TAF4: variants seen among roughly 807,000 people sequenced by gnomAD.
TAF4 encodes the protein TATA-box binding protein associated factor 4.
Under a neutral mutation model 90.3 loss-of-function variants are expected in TAF4, and 9 were observed. The ratio of observed to expected loss-of-function variants is 0.10; its 90% confidence interval spans 0.06 to 0.17. The LOEUF is 0.17. Ranked by LOEUF, TAF4 falls within the 10% of genes least tolerant of loss-of-function variation. The pLI is 1.00. For synonymous variants in TAF4, 818 were observed against 638.9 expected, an observed-to-expected ratio of 1.28 and a Z score of -4.23; for missense variants, 1,351 against 1,370.7, an observed-to-expected ratio of 0.99 and a Z score of 0.23.
At chr20:62,014,295 C>A (rs771633892) in intron 2 of TAF4, among the ~76,000 whole-genome samples, 1 of 152,090 alleles carries the variant, frequency 6.6e-6, no homozygotes, top group Admixed American at 6.5e-5. Flanking sequence ...TGACCCCACT[C>A]GGCCCGCCCT....
intron 1 of TAF4, among the ~76,000 whole-genome samples, chr20:62,044,699 T>A (rs926986709): frequency 1.3e-5 from 2 of 152,210 alleles, no homozygotes; most frequent in African/African-American, 4.8e-5. Context: ...AGCTTTTCTG[T>A]GCAAGAGAAG....
chr20:62,054,624 C>G (rs2056050202), intron 1 of TAF4, among the ~76,000 whole-genome samples: 1 of 152,154 alleles, frequency 6.6e-6, no homozygotes, highest in Non-Finnish European at 1.5e-5. Flanking sequence ...GCTCCTGCAC[C>G]CAGGTGTCCA....
rs771276562 is a variant in TAF4 at position 62,064,502 on chromosome 20, G to A, written c.1309C>T (p.Pro437Ser). The A allele has an allele frequency of 3.2e-5, 48 of 1,516,812 alleles. No individual in the cohort carries two copies. The highest frequency in any genetic ancestry group is 3.4e-4 in the Middle Eastern group (2 of 5,810). The allele number at this position is 1,516,812 out of a possible 1,614,324, so 94.0% of individuals were successfully genotyped here. A position where few individuals can be genotyped will look rare whatever the true frequency, so the allele number is the denominator to read the frequency against. The change falls in exon 1 of 15, where the codon CCG (proline) becomes TCG (serine). Residue 437 changes from proline to serine, a missense_variant. Transcript: ENST00000252996. ...TTGGTCGGGTTCTGAGGCGGCTGCG[G>A]CAAGCGGGGGGCCAGCACGGTGGGC... ...LTPTVLAPRLPQPPQNPTNIQ... is the reference protein window; with the variant it reads ...LTPTVLAPRLSQPPQNPTNIQ...
chr20:62,051,322 G>A (rs956255702), intron 1 of TAF4, among the ~76,000 whole-genome samples: 64 of 152,212 alleles, frequency 4.2e-4, no homozygotes, highest in African/African-American at 1.4e-3. Flanking sequence ...GTGGGACACC[G>A]GGGGTTCTGG....
chr20:61,978,241 G>C (rs35089768), intron 14 of TAF4, among the ~76,000 whole-genome samples: 2 of 252 alleles, frequency 7.9e-3, no homozygotes, highest in Admixed American at 0.045. Context: ...GAGGGCGCGA[G>C]ACCAACCAAG....
intron 1 of TAF4, among the ~76,000 whole-genome samples, chr20:62,018,120 T>C (rs996661254): frequency 1.3e-5 from 2 of 152,106 alleles, no homozygotes; most frequent in African/African-American, 2.4e-5. Flanking sequence ...GCATTGAAAA[T>C]ATCTGTGAAC....
In TAF4 at chr20:62,065,232, G is replaced by A. The variant is rs1158358523; in HGVS notation, c.579C>T (p.Gly193=). ...GPGPGKPAGP[G]AAQTLNGSAA... is the part of the protein sequence containing the mutation. ...CGCTCCCATTCAAAGTTTGCGCGGC[G>A]CCGGGGCCGGCGGGCTTGCCAGGGC... Residue 193 remains glycine (G), a synonymous_variant, in exon 1 of 15, where the codon GGC becomes GGT. Transcript: ENST00000252996. 11 of 1,116,782 alleles carry A rather than the reference G, an allele frequency of 9.8e-6. No individual in the cohort carries two copies. Among genetic ancestry groups the A allele is most frequent in the South Asian group, 5.1e-5 (3 of 59,038 alleles). 69.2% of individuals were successfully genotyped at this position (1,116,782 alleles called of 1,614,324 possible).
chr20:62,012,655 A>G, intron 3 of TAF4, 160 bp downstream of exon 3: 1 of 1,069,480 alleles, frequency 9.4e-7, no homozygotes, highest in South Asian at 2.4e-5. Flanking sequence ...GTTGGTGGTC[A>G]AAGAAAAAGC....
At chr20:62,039,114 A>G (rs997777106) in intron 1 of TAF4, among the ~76,000 whole-genome samples, 3 of 152,224 alleles carry the variant, frequency 2.0e-5, no homozygotes, top group Admixed American at 6.5e-5. Context: ...AAGTTGACGA[A>G]CTGATTCTGA....
chr20:62,000,115 G>A lies in TAF4; in HGVS notation c.2787+9C>T. ...ATAAAGACGCTCTCCTCGGCAAACA[G>A]CCTGTTACCTTGTAAGAAAAGTTCT... On this transcript the variant is annotated intron_variant, in intron 11 of 14. Coordinates refer to ENST00000252996, the MANE Select transcript of TAF4 (RefSeq NM_003185.4). 6.2e-7 allele frequency: 1 copy of A among 1,614,226 alleles called. No individual in the cohort carries two copies. Among genetic ancestry groups the A allele is most frequent in the Non-Finnish European group, 8.5e-7 (1 of 1,180,040 alleles).
intron 1 of TAF4, 142 bp from the exon 2 acceptor site, chr20:62,014,849 A>C: frequency 7.9e-6 from 9 of 1,139,742 alleles, no homozygotes; most frequent in African/African-American, 1.6e-5. Flanking sequence ...CCCCAAACTC[A>C]AAACACACTT....
rs2055693936 is a variant in TAF4, at chr20:62,000,620, A to G, written c.2588T>C (p.Leu863Pro). The stretch of plus-strand genomic sequence containing the variant: ...GGTTTCATCTTTACAGGACCGCGTT[A>G]GCGTGCCCACCAATTCAGAGTTCGT... The part of the protein sequence containing the change: ...LATNSELVGT[L>P]TRSCKDETFL... Residue 863 changes from leucine (L) to proline (P), a missense_variant, in exon 10 of 15, where the codon CTA becomes CCA. Around this residue, in one of 9 missense-constraint regions of TAF4, gnomAD observed 95 missense variants for 151.3 expected, o/e 0.63. Transcript: ENST00000252996. The G allele has an allele frequency of 6.2e-7, 1 of 1,614,170 alleles. No homozygotes were observed. Among genetic ancestry groups the G allele is most frequent in the Admixed American group, 1.7e-5 (1 of 60,014 alleles).
chr20:62,017,404 C>T (rs2055818116), intron 1 of TAF4, among the ~76,000 whole-genome samples: 1 of 151,312 alleles, frequency 6.6e-6, no homozygotes, highest in Admixed American at 6.6e-5. Flanking sequence ...TTTGGGAGGC[C>T]AAGGCGGGTA....
chr20:62,018,805 C>T (rs148954289), intron 1 of TAF4, among the ~76,000 whole-genome samples: 199 of 152,376 alleles, frequency 1.3e-3, no homozygotes, highest in Middle Eastern at 3.4e-3. Flanking sequence ...ACACGACATC[C>T]GTCCCAAAGA....
intron 1 of TAF4, among the ~76,000 whole-genome samples, chr20:62,040,759 C>A (rs1024306197): frequency 5.3e-5 from 8 of 152,260 alleles, no homozygotes; most frequent in Non-Finnish European, 1.5e-5. Flanking sequence ...CAGAGCCGCT[C>A]AGGAACACAG....
intron 1 of TAF4, among the ~76,000 whole-genome samples, chr20:62,043,859 C>T (rs998236463): frequency 1.3e-5 from 2 of 152,190 alleles, no homozygotes; most frequent in African/African-American, 4.8e-5. Flanking sequence ...GAATGTATCC[C>T]CATCACTAAG....
intron 1 of TAF4, among the ~76,000 whole-genome samples, chr20:62,015,519 C>G (rs1404254062): frequency 1.3e-5 from 2 of 152,218 alleles, no homozygotes; most frequent in Non-Finnish European, 2.9e-5. Flanking sequence ...TGCACTCTTT[C>G]CCGAGTGAAG....
At chr20:62,056,223 T>A (rs2056062928) in intron 1 of TAF4, among the ~76,000 whole-genome samples, 2 of 151,762 alleles carry the variant, frequency 1.3e-5, no homozygotes, top group Admixed American at 1.3e-4. Flanking sequence ...GGTGATGGAG[T>A]GAGACTCTGT....
chr20:61,979,989 G>A (rs1422227517), intron 14 of TAF4: 5 of 152,668 alleles, frequency 3.3e-5, no homozygotes, highest in Middle Eastern at 3.1e-3. Context: ...GAGCCCTGGG[G>A]GCCTCGGCCT....
Sources: gnomAD v4.1 joint callset for allele counts (sites outside exome capture counted in the v4.1 genomes callset) on GRCh38, gnomAD v4.1.1 for gene constraint, gnomAD v4.1.1 regional missense constraint, MANE v1.5 for transcripts, NCBI Gene and HGNC (gene_info 2026-07-23, HGNC 2026-07-21) for gene names.